SLC24A2: variants seen among roughly 807,000 people sequenced by gnomAD.
SLC24A2 encodes sodium/potassium/calcium exchanger 2.
Under a neutral mutation model 62.0 loss-of-function variants are expected in SLC24A2, and 36 were observed. The ratio of observed to expected loss-of-function variants is 0.58; its 90% CI spans 0.44 to 0.77. The LOEUF (loss-of-function observed/expected upper bound fraction) is 0.77. Ranked by LOEUF, SLC24A2 falls within the 30% of genes least tolerant of loss-of-function variation. The pLI, the probability that SLC24A2 is intolerant of heterozygous loss-of-function variation, is 0.00. For synonymous variants in SLC24A2, 358 were observed against 294.0 expected, an observed-to-expected ratio of 1.22 and a Z score of -2.23; for missense variants, 846 against 817.9, an observed-to-expected ratio of 1.03 and a Z score of -0.42.
intron 2 of SLC24A2, among the ~76,000 whole-genome samples, chr9:19,671,033 C>G (rs1819397664): frequency 1.4e-5 from 1 of 71,678 alleles, no homozygotes; most frequent in African/African-American, 3.2e-5. Flanking sequence ...TTTCAAAGAG[C>G]TTTCCTAAAC....
the SLC24A2 span, among the ~76,000 whole-genome samples, chr9:20,134,179 T>G: frequency 6.6e-6 from 1 of 152,162 alleles, no homozygotes; most frequent in South Asian, 2.1e-4. Flanking sequence ...CAAAGCTTGG[T>G]GAGGCCACCT....
At chr9:19,948,703 G>A in the SLC24A2 span, among the ~76,000 whole-genome samples, 1 of 151,506 alleles carries the variant, frequency 6.6e-6, no homozygotes, top group Non-Finnish European at 1.5e-5. Flanking sequence ...AAATTAGCCG[G>A]GCGCAGTGGC....
the SLC24A2 span, among the ~76,000 whole-genome samples, chr9:20,028,380 C>A: frequency 3.3e-5 from 5 of 151,964 alleles, no homozygotes; most frequent in Non-Finnish European, 5.9e-5. Flanking sequence ...ATACTTTTAA[C>A]CTTCCTTCCT....
At chr9:19,735,706 T>C (rs1317428925) in intron 2 of SLC24A2, among the ~76,000 whole-genome samples, 3 of 152,056 alleles carry the variant, frequency 2.0e-5, no homozygotes, top group South Asian at 4.1e-4. Context: ...ATGTCCTTTG[T>C]AGGGACATGG....
chr9:20,118,782 C>T, the SLC24A2 span, among the ~76,000 whole-genome samples: 2 of 152,182 alleles, frequency 1.3e-5, no homozygotes, highest in Non-Finnish European at 2.9e-5. Flanking sequence ...AACATAGATG[C>T]TGTGGTAAAC....
the SLC24A2 span, among the ~76,000 whole-genome samples, chr9:20,128,496 A>C: frequency 1.3e-5 from 2 of 152,138 alleles, no homozygotes; most frequent in Non-Finnish European, 2.9e-5. Context: ...AATTTTAACT[A>C]TTGGGCTGCA....
intron 2 of SLC24A2, among the ~76,000 whole-genome samples, chr9:19,686,947 C>T (rs1003959442): frequency 6.6e-6 from 1 of 152,102 alleles, no homozygotes; most frequent in East Asian, 1.9e-4. Context: ...GAATACCATG[C>T]AGCCATAAAA....
chr9:19,981,522 C>G, the SLC24A2 span, among the ~76,000 whole-genome samples: 3 of 152,078 alleles, frequency 2.0e-5, no homozygotes, highest in Admixed American at 2.0e-4. Context: ...TTTGGAATCT[C>G]TCAAAACAGT....
At position 19,702,963 on chromosome 9, in the gene SLC24A2, AAAAG is replaced by A. The variant is rs147585937; in HGVS notation, c.931-80668_931-80665del. Among the ~76,000 whole-genome samples the A allele has an allele frequency of 7.3e-3, 1,115 of 152,332 alleles. 11 individuals carry two copies. The highest frequency in any genetic ancestry group is 0.025 in the African/African-American group (1,059 of 41,580). On this transcript the variant is annotated intron_variant, in intron 2 of 10. Transcript: ENST00000341998. ...TGCAAATAAAAAATAATAATTTTTA[AAAAG>A]AAAGTAAATAAATGCAATGCAATGA...
At chr9:19,901,966 T>A in the SLC24A2 span, among the ~76,000 whole-genome samples, 1 of 152,208 alleles carries the variant, frequency 6.6e-6, no homozygotes, top group Non-Finnish European at 1.5e-5. Flanking sequence ...TGAGGCCCCG[T>A]GCTTGCTGGG....
chr9:20,023,844 T>C, the SLC24A2 span, among the ~76,000 whole-genome samples: 1 of 152,158 alleles, frequency 6.6e-6, no homozygotes, highest in Non-Finnish European at 1.5e-5. Flanking sequence ...CCAAAACTGA[T>C]GGTTTTAAGG....
In SLC24A2 at chr9:19,517,887, A is replaced by G. The variant is rs909844013; in HGVS notation, c.1737-1485T>C. On this transcript the variant is annotated intron_variant, in intron 10 of 10. Transcript: ENST00000341998. ...TTCCCATCCCTTGTGAAGAAAGACCAAAACCCATTTTATTCTTATTAAAAC... is the reference window on the plus strand; with the variant it reads ...TTCCCATCCCTTGTGAAGAAAGACCGAAACCCATTTTATTCTTATTAAAAC... Among the ~76,000 whole-genome samples the G allele has an allele frequency of 3.3e-5, 5 of 149,582 alleles. No homozygotes were observed. The East Asian group carries it at 9.9e-4, about 30-fold the overall frequency.
At chr9:19,941,611 A>AAG in the SLC24A2 span, among the ~76,000 whole-genome samples, 1 of 113,312 alleles carries the variant, frequency 8.8e-6, no homozygotes, top group South Asian at 2.9e-4. Flanking sequence ...GAGAGAGAGA[A>AAG]AGAGAGAGTT....
At chr9:19,798,060 G>A in the SLC24A2 span, among the ~76,000 whole-genome samples, 1 of 152,134 alleles carries the variant, frequency 6.6e-6, no homozygotes, top group Non-Finnish European at 1.5e-5. Context: ...CCTGGAGACT[G>A]TATCATGTTT....
the SLC24A2 span, among the ~76,000 whole-genome samples, chr9:19,816,327 A>G: frequency 6.6e-6 from 1 of 152,074 alleles, no homozygotes. Context: ...GCATTCATTT[A>G]TAATATCCTT....
the SLC24A2 span, among the ~76,000 whole-genome samples, chr9:19,861,040 G>C: frequency 7.2e-5 from 11 of 152,284 alleles, no homozygotes; most frequent in East Asian, 2.1e-3. Flanking sequence ...GATAGGCCTG[G>C]CTGGCTTTGC....
chr9:19,544,222 C>T (rs538869250), intron 8 of SLC24A2, among the ~76,000 whole-genome samples: 12 of 139,730 alleles, frequency 8.6e-5, no homozygotes, highest in South Asian at 7.0e-4. Context: ...GGTTTAAAGT[C>T]TGTTTTGTCG....
the SLC24A2 span, among the ~76,000 whole-genome samples, chr9:19,951,226 TTGTGTG>T: frequency 8.8e-4 from 128 of 146,068 alleles, no homozygotes; most frequent in African/African-American, 1.2e-3. Flanking sequence ...TTTTCTTAAG[TTGTGTG>T]TGTGTGTGTG....
chr9:20,114,623 G>C, the SLC24A2 span, among the ~76,000 whole-genome samples: 1 of 152,134 alleles, frequency 6.6e-6, no homozygotes, highest in African/African-American at 2.4e-5. Flanking sequence ...GCCCAATAAT[G>C]TTAATTAATT....
Sources: gnomAD v4.1 joint callset for allele counts (sites outside exome capture counted in the v4.1 genomes callset) on GRCh38, gnomAD v4.1.1 for gene constraint, MANE v1.5 for transcripts, NCBI Gene and HGNC (gene_info 2026-07-23, HGNC 2026-07-21) for gene names.